The following XPO4 variants were observed in gnomAD, a reference collection of about 807,000 sequenced individuals.
XPO4 encodes the protein exportin-4.
XPO4 carries 39 observed loss-of-function variants against 143.0 expected under a neutral mutation model. That is an observed-to-expected ratio of 0.27 (90% CI 0.21 to 0.36). The LOEUF is 0.36. Among genes scored for constraint, XPO4 ranks in the 10% least tolerant of loss-of-function variants. XPO4 has a pLI of 1.00. For missense variants in XPO4, 907 were observed against 1,348.0 expected (o/e 0.67, Z 5.12); for synonymous variants, 439 against 474.0 (o/e 0.93, Z 0.96).
At position 20,799,581 on chromosome 13, in the gene XPO4, T is replaced by C. The variant is rs567619108; in HGVS notation, c.2148-242A>G. ...CATCACTTCTCTATAATCTGCAAAA[T>C]AGGAATAATAACAGTCTCCTGGGGC... On this transcript the variant is annotated intron_variant, in intron 15 of 22. Coordinates refer to ENST00000255305, the MANE Select transcript of XPO4 (RefSeq NM_022459.5). Among the ~76,000 whole-genome samples, 8 of 152,184 alleles carry C rather than the reference T, an allele frequency of 5.3e-5. No individual in the cohort carries two copies. In the South Asian group the frequency reaches 1.4e-3, roughly 28 times the overall value.
intron 13 of XPO4, among the ~76,000 whole-genome samples, chr13:20,801,728 A>G (rs1489570322): frequency 1.3e-5 from 2 of 152,230 alleles, no homozygotes; most frequent in Non-Finnish European, 2.9e-5. Flanking sequence ...CAAAGGAGGT[A>G]ATGGAAAGAC....
At chr13:20,853,175 C>CT (rs1016241005) in intron 4 of XPO4, 1 of 387,236 alleles carries the variant, frequency 2.6e-6, no homozygotes, top group Admixed American at 6.5e-5. Flanking sequence ...TACAAAAAAA[C>CT]TTTAAAAATT....
intron 1 of XPO4, among the ~76,000 whole-genome samples, chr13:20,897,874 A>G (rs1448482205): frequency 6.6e-6 from 1 of 152,084 alleles, no homozygotes; most frequent in Non-Finnish European, 1.5e-5. Flanking sequence ...CAGCCTCCCA[A>G]GTAGCTGGGA....
chr13:20,891,460 T>G (rs1168737004), intron 1 of XPO4, among the ~76,000 whole-genome samples: 3 of 152,230 alleles, frequency 2.0e-5, no homozygotes, highest in Non-Finnish European at 4.4e-5. Context: ...GCACTTACTA[T>G]ACCCCAGGCA....
In XPO4 at chr13:20,780,432, G is replaced by C. The variant is rs991202288; in HGVS notation, c.*3290C>G. On this transcript the variant is annotated 3_prime_UTR_variant, in exon 23 of 23. Coordinates refer to ENST00000255305, the MANE Select transcript of XPO4 (RefSeq NM_022459.5). Reference sequence around the variant, plus strand: ...AAGTATTAACAGAAATGGGAAACATGGTGATATTACAACTATAAAGACTTG... The same window carrying C: ...AAGTATTAACAGAAATGGGAAACATCGTGATATTACAACTATAAAGACTTG... 1 of 152,126 alleles carries C rather than the reference G, an allele frequency of 6.6e-6. No homozygotes were observed. Among genetic ancestry groups the C allele is most frequent in the African/African-American group, 2.4e-5 (1 of 41,418 alleles). 9.4% of individuals were successfully genotyped at this position (152,126 alleles called of 1,614,324 possible).
intron 1 of XPO4, among the ~76,000 whole-genome samples, chr13:20,893,925 T>G (rs1319271302): frequency 6.6e-6 from 1 of 152,076 alleles, no homozygotes; most frequent in African/African-American, 2.4e-5. Flanking sequence ...CTCACTGCAT[T>G]CTCCGCCTCC....
intron 3 of XPO4, 39 bp downstream of exon 3, chr13:20,862,678 C>G: frequency 1.9e-6 from 3 of 1,612,066 alleles, no homozygotes; most frequent in Non-Finnish European, 2.5e-6. Flanking sequence ...CACATAAGCT[C>G]AGCAAAAGTA....
intron 1 of XPO4, chr13:20,901,975 G>A (rs2060624235): frequency 1.4e-6 from 1 of 706,060 alleles, no homozygotes. Context: ...AATTCCCTTA[G>A]TAAACAATCT....
chr13:20,861,977 T>C (rs1427593378), intron 3 of XPO4, among the ~76,000 whole-genome samples: 1 of 151,890 alleles, frequency 6.6e-6, no homozygotes, highest in African/African-American at 2.4e-5. Context: ...TTAGTAGAGA[T>C]GGCGTTTCCG....
At chr13:20,859,972 C>A (rs1415212596) in intron 3 of XPO4, 1 of 405,364 alleles carries the variant, frequency 2.5e-6, no homozygotes, top group African/African-American at 2.2e-5. Context: ...GACAACTAAA[C>A]AGCTCCACAA....
At chr13:20,791,927 G>A (rs1403411830) in intron 18 of XPO4, among the ~76,000 whole-genome samples, 1 of 152,196 alleles carries the variant, frequency 6.6e-6, no homozygotes, top group East Asian at 1.9e-4. Flanking sequence ...TGTTAAAGCA[G>A]GAGTCACCAA....
chr13:20,868,160 T>G (rs1010498042), intron 2 of XPO4, among the ~76,000 whole-genome samples: 2 of 145,340 alleles, frequency 1.4e-5, no homozygotes, highest in Non-Finnish European at 1.5e-5. Context: ...GAGTACAAAC[T>G]AAATGGTTAA....
At chr13:20,821,583 CA>C in intron 9 of XPO4, 120 bp downstream of exon 9, 1 of 1,103,308 alleles carries the variant, frequency 9.1e-7, no homozygotes, top group Non-Finnish European at 1.2e-6. Flanking sequence ...CTAAACAAAA[CA>C]GTCACTTTAA....
chr13:20,874,784 G>A (rs1393901254), intron 1 of XPO4, among the ~76,000 whole-genome samples: 1 of 152,196 alleles, frequency 6.6e-6, no homozygotes, highest in African/African-American at 2.4e-5. Context: ...CCTGAGGTCA[G>A]GAGTTCGAGA....
In XPO4 at chr13:20,870,089, C is replaced by CAAA. The variant is rs59710121; in HGVS notation, c.70-1391_70-1389dup. On this transcript the variant is annotated intron_variant, in intron 1 of 22. Transcript: ENST00000255305. ...CACTCTAGCCTGGGTGAAGGAGTCTCAAAAAAAAAAAAAAAAAAGAATTGT... is the reference window on the plus strand; with the variant it reads ...CACTCTAGCCTGGGTGAAGGAGTCTCAAAAAAAAAAAAAAAAAAAAAGAATTGT... Among the ~76,000 whole-genome samples, 322 of 98,882 alleles carry CAAA rather than the reference C, an allele frequency of 3.3e-3. 12 individuals carry two copies. Among genetic ancestry groups the CAAA allele is most frequent in the African/African-American group, 9.7e-3 (217 of 22,354 alleles). The allele number at this position is 98,882 out of a possible 152,430, so 64.9% of individuals were successfully genotyped here. A position where few individuals can be genotyped will look rare whatever the true frequency, so the allele number is the denominator to read the frequency against.
intron 3 of XPO4, chr13:20,856,936 A>C (rs1161236729): frequency 1.0e-6 from 1 of 983,538 alleles, no homozygotes; most frequent in African/African-American, 1.7e-5. Flanking sequence ...ACTAGCTCCC[A>C]GATCAGCCAC....
chr13:20,899,433 A>T (rs977686226), intron 1 of XPO4, among the ~76,000 whole-genome samples: 3 of 151,852 alleles, frequency 2.0e-5, no homozygotes, highest in Admixed American at 1.3e-4. Context: ...TTGCTCTGTG[A>T]CCTACCTTGG....
chr13:20,782,934 T>A lies in XPO4; in HGVS notation c.*788A>T, dbSNP rs1243284436. The A allele has an allele frequency of 6.6e-6, 1 of 152,530 alleles. No individual in the cohort carries two copies. Among genetic ancestry groups the A allele is most frequent in the Non-Finnish European group, 1.5e-5 (1 of 68,028 alleles). 9.4% of individuals were successfully genotyped at this position (152,530 alleles called of 1,614,324 possible). On this transcript the variant is annotated 3_prime_UTR_variant, in exon 23 of 23. Coordinates refer to ENST00000255305, the MANE Select transcript of XPO4 (RefSeq NM_022459.5). Reference sequence around the variant, plus strand: ...ATCAGAGTATGATTAGTGACTTGTATTACACAAAACCTGCAGCACTGGGTT... The same window carrying A: ...ATCAGAGTATGATTAGTGACTTGTAATACACAAAACCTGCAGCACTGGGTT...
chr13:20,799,435 CTA>C, intron 15 of XPO4, 96 bp from the exon 16 acceptor site: 1 of 1,142,178 alleles, frequency 8.8e-7, no homozygotes, highest in Non-Finnish European at 1.2e-6. Context: ...TAAAAAATAA[CTA>C]GATTTAATTA....
Sources: gnomAD v4.1 joint callset for allele counts (sites outside exome capture counted in the v4.1 genomes callset) on GRCh38, gnomAD v4.1.1 for gene constraint, MANE v1.5 for transcripts, NCBI Gene and HGNC (gene_info 2026-07-23, HGNC 2026-07-21) for gene names.